VPS54: variants seen among roughly 807,000 people sequenced by gnomAD.
VPS54 encodes vacuolar protein sorting-associated protein 54.
In VPS54, 45 loss-of-function variants were observed where a neutral mutation model predicts 121.5. The observed-to-expected ratio is 0.37, with a 90% CI of 0.29 to 0.47. VPS54 has a LOEUF of 0.47. Among genes scored for constraint, VPS54 ranks in the 20% least tolerant of loss-of-function variants. The pLI, the probability that VPS54 is intolerant of heterozygous loss-of-function variation, is 0.99. For synonymous variants in VPS54, 371 were observed against 385.8 expected (o/e 0.96, Z 0.45); for missense variants, 1,090 against 1,131.4 (o/e 0.96, Z 0.52).
At chr2:63,956,999 T>C (rs1057141600) in intron 7 of VPS54, among the ~76,000 whole-genome samples, 2 of 152,178 alleles carry the variant, frequency 1.3e-5, no homozygotes, top group African/African-American at 2.4e-5. Flanking sequence ...ACGAGACTTA[T>C]GTACTACATC....
chr2:63,919,244 C>T (rs1412633197), intron 15 of VPS54, among the ~76,000 whole-genome samples: 1 of 151,962 alleles, frequency 6.6e-6, no homozygotes, highest in Non-Finnish European at 1.5e-5. Flanking sequence ...TAGATTTCTC[C>T]CTGCCTCTCT....
At chr2:63,997,766 C>G (rs116130777) in intron 1 of VPS54, among the ~76,000 whole-genome samples, 16 of 151,700 alleles carry the variant, frequency 1.1e-4, no homozygotes, top group African/African-American at 3.9e-4. Context: ...TTGCTTTTCC[C>G]TTTCTTTAAA....
At chr2:64,013,998 C>A (rs898259709) in intron 1 of VPS54, among the ~76,000 whole-genome samples, 1 of 152,058 alleles carries the variant, frequency 6.6e-6, no homozygotes, top group African/African-American at 2.4e-5. Context: ...CGAGACCAGT[C>A]TGACCAACAT....
chr2:63,992,787 C>T (rs1677390889), intron 1 of VPS54, among the ~76,000 whole-genome samples: 1 of 152,230 alleles, frequency 6.6e-6, no homozygotes, highest in African/African-American at 2.4e-5. Flanking sequence ...TGCTTTAATA[C>T]CTAAAAATTG....
At chr2:63,916,305 CA>C (rs986464470) in intron 16 of VPS54, among the ~76,000 whole-genome samples, 1 of 151,762 alleles carries the variant, frequency 6.6e-6, no homozygotes, top group Non-Finnish European at 1.5e-5. Flanking sequence ...TAGTACTAGA[CA>C]AAAAAAGATG....
At chr2:63,929,940 G>A (rs1419584737) in intron 12 of VPS54, among the ~76,000 whole-genome samples, 5 of 152,098 alleles carry the variant, frequency 3.3e-5, no homozygotes, top group East Asian at 3.9e-4. Context: ...CTCGACATAT[G>A]CACCCTCCCA....
At chr2:63,932,924 T>G (rs1415290136) in intron 12 of VPS54, among the ~76,000 whole-genome samples, 1 of 151,992 alleles carries the variant, frequency 6.6e-6, no homozygotes, top group African/African-American at 2.4e-5. Flanking sequence ...TATATAGGAG[T>G]GTTCTTGTGT....
chr2:63,963,738 T>C (rs1445858890), intron 6 of VPS54, among the ~76,000 whole-genome samples: 1 of 152,096 alleles, frequency 6.6e-6, no homozygotes, highest in Non-Finnish European at 1.5e-5. Flanking sequence ...ATTTATTCAC[T>C]AAAAAAGCAA....
At chr2:63,948,870 A>C (rs1249069473) in intron 8 of VPS54, among the ~76,000 whole-genome samples, 167 bp downstream of exon 8, 1 of 152,210 alleles carries the variant, frequency 6.6e-6, no homozygotes, top group African/African-American at 2.4e-5. Context: ...TAGGATAGTG[A>C]ACAATCATGG....
chr2:63,988,076 TG>T lies in VPS54; in HGVS notation c.-20-4058del, dbSNP rs547236229. On this transcript the variant is annotated intron_variant, in intron 1 of 22. Coordinates refer to ENST00000272322, the MANE Select transcript of VPS54 (RefSeq NM_016516.3). ...CTACGTTGAATAACTGTAGTGAAAG[TG>T]GGCATCCTTGCTGTGTTTCAGATCT... Among the ~76,000 whole-genome samples the T allele has an allele frequency of 2.5e-3, 381 of 152,342 alleles. 2 individuals are homozygous for T. The highest frequency in any genetic ancestry group is 9.0e-3 in the African/African-American group (376 of 41,584).
At chr2:64,006,413 G>T (rs1678156118) in intron 1 of VPS54, among the ~76,000 whole-genome samples, 1 of 152,122 alleles carries the variant, frequency 6.6e-6, no homozygotes, top group Non-Finnish European at 1.5e-5. Flanking sequence ...AAGAGTATTG[G>T]CCATACAATC....
chr2:63,945,227 T>C (rs563586481), intron 9 of VPS54, among the ~76,000 whole-genome samples: 79 of 152,258 alleles, frequency 5.2e-4, no homozygotes, highest in African/African-American at 1.9e-3. Context: ...ACAATGAGGT[T>C]ATGTCCTTTG....
chr2:63,900,496 A>T (rs957852300), intron 20 of VPS54, among the ~76,000 whole-genome samples: 4 of 152,212 alleles, frequency 2.6e-5, no homozygotes, highest in Non-Finnish European at 4.4e-5. Flanking sequence ...CACACAGCTG[A>T]AGTTATATAC....
intron 1 of VPS54, among the ~76,000 whole-genome samples, chr2:64,017,769 T>C (rs1463833705): frequency 6.6e-6 from 1 of 152,232 alleles, no homozygotes; most frequent in African/African-American, 2.4e-5. Context: ...AATTTAAAAA[T>C]AGCCAAATTA....
chr2:63,912,664 G>A lies in VPS54; in HGVS notation c.2423-3C>T. 1.9e-6 allele frequency: 3 copies of A among 1,564,828 alleles called. No homozygotes were observed. The highest frequency in any genetic ancestry group is 2.6e-6 in the Non-Finnish European group (3 of 1,166,736). ...CTGCAAACATCGTGAAGAAAGAGCT[G>A]AAGATCCAGGGAGTAGATATATAAT... On this transcript the variant is annotated splice_polypyrimidine_tract_variant and splice_region_variant and intron_variant, in intron 18 of 22. Transcript: ENST00000272322.
chr2:63,991,084 G>A (rs536827488), intron 1 of VPS54, among the ~76,000 whole-genome samples: 19 of 152,282 alleles, frequency 1.2e-4, no homozygotes, highest in African/African-American at 3.4e-4. Context: ...CACAGGCTCC[G>A]ATAGTTTCTC....
rs1220653088 is a variant in VPS54, at chr2:63,893,359, A to G, written c.*71T>C. 6 of 1,309,956 alleles carry G rather than the reference A, an allele frequency of 4.6e-6. No individual in the cohort carries two copies. Among genetic ancestry groups the G allele is most frequent in the Non-Finnish European group, 6.6e-6 (6 of 902,902 alleles). The allele number at this position is 1,309,956 out of a possible 1,614,324, so 81.1% of individuals were successfully genotyped here. On this transcript the variant is annotated 3_prime_UTR_variant, in exon 23 of 23. Transcript: ENST00000272322. Reference sequence around the variant, plus strand: ...GTTTCAGGTTCAATTCTCGAATCACAGGCATCCAGATTTTCTTCATAACAA... The same window carrying G: ...GTTTCAGGTTCAATTCTCGAATCACGGGCATCCAGATTTTCTTCATAACAA...
chr2:63,937,984 C>T (rs961641245), intron 11 of VPS54, among the ~76,000 whole-genome samples: 7 of 151,468 alleles, frequency 4.6e-5, no homozygotes, highest in Admixed American at 4.6e-4. Context: ...GAGTCAAACT[C>T]ATAGAGACAG....
At chr2:63,997,973 C>T (rs755281290) in intron 1 of VPS54, among the ~76,000 whole-genome samples, 8 of 152,140 alleles carry the variant, frequency 5.3e-5, no homozygotes, top group Non-Finnish European at 1.2e-4. Flanking sequence ...TATGTAATTT[C>T]CATGTGTTTG....
Sources: gnomAD v4.1 joint callset for allele counts (sites outside exome capture counted in the v4.1 genomes callset) on GRCh38, gnomAD v4.1.1 for gene constraint, MANE v1.5 for transcripts, NCBI Gene and HGNC (gene_info 2026-07-23, HGNC 2026-07-21) for gene names.